Variants in VPS13C observed in about 807,000 individuals in gnomAD.
VPS13C encodes vacuolar protein sorting 13 homolog C.
Under a neutral mutation model 456.8 loss-of-function variants are expected in VPS13C, and 358 were observed. That is an observed-to-expected ratio of 0.78 (90% CI 0.72 to 0.86). The LOEUF (loss-of-function observed/expected upper bound fraction) is 0.86, where lower values mean the gene tolerates loss of function less well. VPS13C is among the 40% of genes least tolerant of loss of function. The pLI is 0.00. For missense variants in VPS13C, 4,818 were observed against 4,385.4 expected (o/e 1.10, Z -2.79); for synonymous variants, 1,578 against 1,486.7 (o/e 1.06, Z -1.41).
chr15:61,987,557 T>C (rs562216227), intron 18 of VPS13C, among the ~76,000 whole-genome samples: 100 of 152,228 alleles, frequency 6.6e-4, no homozygotes, highest in African/African-American at 2.2e-3. Context: ...TTATTACCAC[T>C]TGCTCTCTCC....
intron 37 of VPS13C, among the ~76,000 whole-genome samples, chr15:61,954,845 A>G (rs2140300909): frequency 1.3e-5 from 2 of 152,342 alleles, no homozygotes; most frequent in Admixed American, 1.3e-4. Flanking sequence ...TACAGAAGTC[A>G]AGAAAGGATG....
Position 62,008,771 on chromosome 15 carries a change from C to T in VPS13C, c.1012-10G>A. 1 of 1,484,148 alleles carries T rather than the reference C, an allele frequency of 6.7e-7. No homozygotes were observed. Among genetic ancestry groups the T allele is most frequent in the East Asian group, 2.4e-5 (1 of 42,224 alleles). 91.9% of individuals were successfully genotyped at this position (1,484,148 alleles called of 1,614,324 possible). A position where few individuals can be genotyped will look rare whatever the true frequency, so the allele number is the denominator to read the frequency against. On this transcript the variant is annotated splice_polypyrimidine_tract_variant and intron_variant, in intron 13 of 84. Transcript: ENST00000644861. ...CAATCATACTTAAGTACTGTTAAAA[C>T]AAAAATAAAATTATATTTATTACAC...
At chr15:61,878,066 T>TAAACTTAGAAAGACCTCCTA (rs1259922744) in intron 74 of VPS13C, among the ~76,000 whole-genome samples, 2 of 151,972 alleles carry the variant, frequency 1.3e-5, no homozygotes, top group Admixed American at 1.3e-4. Context: ...CCACTGCTTT[T>TAAACTTAGAAAGACCTCCTA]AAACTTAGAA....
In VPS13C at chr15:61,967,464, G is replaced by T. The variant is rs1453759192; in HGVS notation, c.2912-17C>A. On this transcript the variant is annotated splice_polypyrimidine_tract_variant and intron_variant, in intron 28 of 84. Transcript: ENST00000644861. The stretch of plus-strand genomic sequence containing the variant: ...TTTTGGATCCTAGATTAAAGAAAAA[G>T]GAAAAAAAAGTGTTTCAAATAAATT... 1.3e-6 allele frequency: 2 copies of T among 1,550,114 alleles called. No homozygotes were observed. Among genetic ancestry groups the T allele is most frequent in the African/African-American group, 1.4e-5 (1 of 70,798 alleles).
At chr15:62,020,784 T>C (rs1326631290) in intron 8 of VPS13C, among the ~76,000 whole-genome samples, 10 of 151,946 alleles carry the variant, frequency 6.6e-5, no homozygotes, top group African/African-American at 2.4e-4. Flanking sequence ...AGAAGATGAC[T>C]CACTAACTAT....
intron 23 of VPS13C, 54 bp downstream of exon 23, chr15:61,978,572 T>C: frequency 6.3e-7 from 1 of 1,582,360 alleles, no homozygotes; most frequent in Admixed American, 1.8e-5. Context: ...ACACGTATAT[T>C]ACACAAACTA....
chr15:61,930,017 G>GTAT (rs1405616024), intron 50 of VPS13C, among the ~76,000 whole-genome samples: 7 of 151,688 alleles, frequency 4.6e-5, no homozygotes, highest in African/African-American at 1.7e-4. Context: ...CAATTTTTGA[G>GTAT]TATTACATTA....
At chr15:62,058,460 GA>G (rs2048874178) in intron 1 of VPS13C, among the ~76,000 whole-genome samples, 2 of 151,054 alleles carry the variant, frequency 1.3e-5, no homozygotes, top group Admixed American at 6.6e-5. Context: ...ATTTCGGGGG[GA>G]AAAAATAAAA....
intron 82 of VPS13C, among the ~76,000 whole-genome samples, chr15:61,860,350 G>A (rs183553651): frequency 2.0e-5 from 3 of 152,132 alleles, no homozygotes; most frequent in Non-Finnish European, 2.9e-5. Flanking sequence ...CAAAACACAG[G>A]AGAAAGAACA....
intron 66 of VPS13C, among the ~76,000 whole-genome samples, chr15:61,899,300 T>G (rs2042925440): frequency 8.1e-6 from 1 of 124,162 alleles, no homozygotes; most frequent in Non-Finnish European, 1.7e-5. Context: ...CTTCAAAAAA[T>G]TAATGAATCC....
rs138629991 is a variant in VPS13C, at chr15:61,954,437, T to A, written c.4283A>T (p.Asn1428Ile). ...RSVDIINMLL[N>I]FEIKEVVVTL... ...ATTACACACCTCTTTAATTTCAAAA[T>A]TCAGCAGCATATTAATGATGTCTAC... Residue 1428 changes from asparagine (N) to isoleucine (I), a missense_variant, in exon 38 of 85, where the codon AAT (asparagine) becomes ATT (isoleucine). This residue lies in a region of VPS13C where 4,552 missense variants were observed against 4,130.6 expected (regional missense o/e 1.10). Coordinates refer to ENST00000644861, the MANE Select transcript of VPS13C (RefSeq NM_020821.3). 15 of 1,601,928 alleles carry A rather than the reference T, an allele frequency of 9.4e-6. No individual in the cohort carries two copies. The highest frequency in any genetic ancestry group is 1.3e-5 in the Non-Finnish European group (15 of 1,176,620).
At chr15:62,056,814 C>T (rs573399544) in intron 1 of VPS13C, among the ~76,000 whole-genome samples, 23 of 152,254 alleles carry the variant, frequency 1.5e-4, no homozygotes, top group South Asian at 1.0e-3. Context: ...GCAGAAATAA[C>T]GGCATAAGCT....
intron 61 of VPS13C, among the ~76,000 whole-genome samples, chr15:61,914,323 T>C (rs2043395091): frequency 2.0e-5 from 3 of 151,868 alleles, no homozygotes; most frequent in Admixed American, 2.0e-4. Flanking sequence ...AATCCCAGCA[T>C]TTTGAGAGGC....
intron 38 of VPS13C, among the ~76,000 whole-genome samples, chr15:61,953,072 T>A (rs183616944): frequency 6.6e-6 from 1 of 151,886 alleles, no homozygotes; most frequent in Non-Finnish European, 1.5e-5. Context: ...ATAACCTCTA[T>A]AAAATTATTT....
chr15:61,865,912 T>TA (rs1894553898), intron 81 of VPS13C: 1 of 978,576 alleles, frequency 1.0e-6, no homozygotes, highest in African/African-American at 1.8e-5. Flanking sequence ...AAGTAGTACT[T>TA]AGGAGAAAAA....
chr15:62,029,074 T>C (rs747901795), intron 5 of VPS13C, among the ~76,000 whole-genome samples: 4 of 152,106 alleles, frequency 2.6e-5, no homozygotes, highest in Admixed American at 6.6e-5. Context: ...GTTCACATTG[T>C]ACAGGGTTAA....
chr15:61,986,510 T>C lies in VPS13C; in HGVS notation c.1579-1511A>G, dbSNP rs560636721. Reference sequence around the variant, plus strand: ...AAAATAAGACACACATGAGATATTATGAAAAGATCCCACTATGTACATTAG... The same window carrying C: ...AAAATAAGACACACATGAGATATTACGAAAAGATCCCACTATGTACATTAG... On this transcript the variant is annotated intron_variant, in intron 18 of 84. Transcript: ENST00000644861. 9.9e-4 allele frequency among the ~76,000 whole-genome samples: 150 copies of C among 152,200 alleles called. 1 individual carries two copies. Among genetic ancestry groups the C allele is most frequent in the African/African-American group, 3.4e-3 (143 of 41,544 alleles).
At chr15:61,930,362 T>C in intron 50 of VPS13C, among the ~76,000 whole-genome samples, 1 of 152,118 alleles carries the variant, frequency 6.6e-6, no homozygotes, top group East Asian at 1.9e-4. Flanking sequence ...AGACACAAAA[T>C]TTGCAAACTA....
In VPS13C at chr15:62,037,268, TATATAATA is replaced by T; in HGVS notation, c.188-2224_188-2217del. Among the ~76,000 whole-genome samples, 2 of 21,984 alleles carry T rather than the reference TATATAATA, an allele frequency of 9.1e-5. 1 individual carries two copies. Among genetic ancestry groups the T allele is most frequent in the Non-Finnish European group, 1.7e-4 (2 of 11,942 alleles). 14.4% of individuals were successfully genotyped at this position (21,984 alleles called of 152,430 possible). On this transcript the variant is annotated intron_variant, in intron 3 of 84. Transcript: ENST00000644861. ...TATAATATATTTATATATATTATATTATATAATATATTATATATATTATATTATATAAT... is the reference window on the plus strand; with the variant it reads ...TATAATATATTTATATATATTATATTTATTATATATATTATATTATATAAT...
Sources: gnomAD v4.1 joint callset for allele counts (sites outside exome capture counted in the v4.1 genomes callset) on GRCh38, gnomAD v4.1.1 for gene constraint, gnomAD v4.1.1 regional missense constraint, MANE v1.5 for transcripts, NCBI Gene and HGNC (gene_info 2026-07-23, HGNC 2026-07-21) for gene names.